The following CD74 variants were observed in gnomAD, a reference collection of about 807,000 sequenced individuals.
CD74 encodes the protein CD74 molecule, also known as HLA class II histocompatibility antigen gamma chain.
Under a neutral mutation model 37.1 loss-of-function variants are expected in CD74, and 20 were observed. The ratio of observed to expected loss-of-function variants is 0.54; its 90% confidence interval spans 0.38 to 0.78. The LOEUF (loss-of-function observed/expected upper bound fraction) is 0.78, where lower values mean the gene tolerates loss of function less well. Among genes scored for constraint, CD74 ranks in the 30% least tolerant of loss-of-function variants. The probability of loss-of-function intolerance (pLI) is 0.00; values close to 1 mark genes in which losing one functional copy is unlikely to be tolerated. For synonymous variants in CD74, 150 were observed against 152.0 expected, an observed-to-expected ratio of 0.99 and a Z score of 0.10; for missense variants, 338 against 389.5, an observed-to-expected ratio of 0.87 and a Z score of 1.11.
Position 150,402,431 on chromosome 5 carries a change from C to G in CD74, c.880+132G>C, listed in dbSNP as rs776153510. 1.1e-6 allele frequency: 1 copy of G among 942,122 alleles called. No homozygotes were observed. The highest frequency in any genetic ancestry group is 1.7e-6 in the Non-Finnish European group (1 of 574,132). The allele number at this position is 942,122 out of a possible 1,614,324, so 58.4% of individuals were successfully genotyped here. A position where few individuals can be genotyped will look rare whatever the true frequency, so the allele number is the denominator to read the frequency against. On this transcript the variant is annotated intron_variant, in intron 8 of 8. Transcript: ENST00000009530. This position sits in a 1 kb window ranked among gnomAD's most constrained non-coding sequence, Gnocchi z 4.2. Reference sequence around the variant, plus strand: ...CCACAGCCCCCCAACCCTGTTCCTTCGTCTGTGAAATGGACATCCCAGGAA... The same window carrying G: ...CCACAGCCCCCCAACCCTGTTCCTTGGTCTGTGAAATGGACATCCCAGGAA...
At position 150,407,456 on chromosome 5, in the gene CD74, T is replaced by C. The variant is rs1770045144; in HGVS notation, c.126-132A>G. 9.0e-6 allele frequency: 6 copies of C among 667,752 alleles called. No individual in the cohort carries two copies. The highest frequency in any genetic ancestry group is 1.2e-5 in the Non-Finnish European group (5 of 403,760). 41.4% of individuals were successfully genotyped at this position (667,752 alleles called of 1,614,324 possible). On this transcript the variant is annotated intron_variant, in intron 1 of 8. Transcript: ENST00000009530. This position sits in a 1 kb window ranked among gnomAD's most constrained non-coding sequence, Gnocchi z 4.4. ...AAGCCACCCCTAATAAACAATGCAT[T>C]TGAAGCACAAACAGTAAGCTGGCTA...
chr5:150,401,995 T>C lies in CD74; in HGVS notation c.*245A>G. On this transcript the variant is annotated 3_prime_UTR_variant, in exon 9 of 9. Coordinates refer to ENST00000009530, the MANE Select transcript of CD74 (RefSeq NM_001025159.3). Reference sequence around the variant, plus strand: ...CAGGAACGGGGATCTGTCTAGCTTTTGGCCACTTCCTGGGACCTCACGCCC... The same window carrying C: ...CAGGAACGGGGATCTGTCTAGCTTTCGGCCACTTCCTGGGACCTCACGCCC... The C allele has an allele frequency of 6.8e-7, 1 of 1,476,190 alleles. No homozygotes were observed. The highest frequency in any genetic ancestry group is 9.2e-7 in the Non-Finnish European group (1 of 1,092,026). The allele number at this position is 1,476,190 out of a possible 1,614,324, so 91.4% of individuals were successfully genotyped here.
At chr5:150,404,915 C>G in intron 5 of CD74, 148 bp from the exon 6 acceptor site, 1 of 832,372 alleles carries the variant, frequency 1.2e-6, no homozygotes, top group Non-Finnish European at 2.0e-6. Flanking sequence ...TCTTAAAGAC[C>G]CCTGGGGCTG....
chr5:150,403,437 A>C lies in CD74; in HGVS notation c.626-125T>G, dbSNP rs2151170861. The C allele has an allele frequency of 1.2e-6, 1 of 815,814 alleles. No individual in the cohort carries two copies. The highest frequency in any genetic ancestry group is 2.0e-6 in the Non-Finnish European group (1 of 493,980). 50.5% of individuals were successfully genotyped at this position (815,814 alleles called of 1,614,324 possible). On this transcript the variant is annotated intron_variant, in intron 6 of 8. Transcript: ENST00000009530. The surrounding 1 kb of genome is among the most constrained non-coding windows in gnomAD (Gnocchi z 4.5). ...GCCTTCTTCCCAAGTGGCTTTACTC[A>C]CTCCAGCCATCACACGGATGGGAAA... is the stretch of plus-strand genomic sequence containing the variant.
At chr5:150,410,742 G>C (rs926576736) in intron 1 of CD74, among the ~76,000 whole-genome samples, 1 of 149,576 alleles carries the variant, frequency 6.7e-6, no homozygotes, top group Non-Finnish European at 1.5e-5. Flanking sequence ...TCGTGACACA[G>C]ATGTTGCCAG....
chr5:150,402,169 G>C lies in CD74; in HGVS notation c.*71C>G. The C allele has an allele frequency of 6.4e-7, 1 of 1,567,652 alleles. No homozygotes were observed. The highest frequency in any genetic ancestry group is 8.7e-7 in the Non-Finnish European group (1 of 1,155,790). ...AGGGTGGGAGATGGGGGAGGGGCTG[G>C]GGGCTGAAGGGAGCAAGAAAGCTGT... On this transcript the variant is annotated 3_prime_UTR_variant, in exon 9 of 9. Transcript: ENST00000009530. This position sits in a 1 kb window ranked among gnomAD's most constrained non-coding sequence, Gnocchi z 4.2.
chr5:150,404,267 C>T (rs547493558), intron 6 of CD74, among the ~76,000 whole-genome samples: 9 of 152,162 alleles, frequency 5.9e-5, no homozygotes, highest in Non-Finnish European at 1.3e-4. Context: ...GGGAAACGCC[C>T]AAGGCTCTCT....
rs768723148 is a variant in CD74 at position 150,407,284 on chromosome 5, G to A, written c.166C>T (p.Leu56=). ...TGGCCAGCGAGGAGCAGAGTCACCA[G>A]GATGGAAAAGCCTGTGTACAGGGCT... ...RGALYTGFSI[L]VTLLLAGQAT... Residue 56 remains leucine, a synonymous_variant, in exon 2 of 9, where the codon CTG becomes TTG. Coordinates refer to ENST00000009530, the MANE Select transcript of CD74 (RefSeq NM_001025159.3). The surrounding 1 kb of genome is among the most constrained non-coding windows in gnomAD (Gnocchi z 4.4). 2.0e-5 allele frequency: 33 copies of A among 1,612,834 alleles called. No homozygotes were observed. Among genetic ancestry groups the A allele is most frequent in the Non-Finnish European group, 2.8e-5 (33 of 1,179,500 alleles).
chr5:150,407,120 T>A lies in CD74; in HGVS notation c.298+32A>T. On this transcript the variant is annotated intron_variant, in intron 2 of 8. Transcript: ENST00000009530. The surrounding 1 kb of genome is among the most constrained non-coding windows in gnomAD (Gnocchi z 4.4). ...CTCTGAGTTGAGGGATGGTGGGAGG[T>A]GGGGGGTATCAGGATGTAGGGGTGC... 6.3e-7 allele frequency: 1 copy of A among 1,593,740 alleles called. No homozygotes were observed. The highest frequency in any genetic ancestry group is 8.6e-7 in the Non-Finnish European group (1 of 1,165,904).
At position 150,402,287 on chromosome 5, in the gene CD74, C is replaced by T. The variant is rs1277560343; in HGVS notation, c.881-37G>A. On this transcript the variant is annotated intron_variant, in intron 8 of 8. Coordinates refer to ENST00000009530, the MANE Select transcript of CD74 (RefSeq NM_001025159.3). This position sits in a 1 kb window ranked among gnomAD's most constrained non-coding sequence, Gnocchi z 4.2. ...AGCAGCAGGTTGAGGTTGGGGTCAC[C>T]CATTTGTTGTCCCTGCCCCTTTCTA... 6.7e-6 allele frequency: 10 copies of T among 1,489,478 alleles called. No individual in the cohort carries two copies. Among genetic ancestry groups the T allele is most frequent in the East Asian group, 4.6e-5 (2 of 43,426 alleles). 92.3% of individuals were successfully genotyped at this position (1,489,478 alleles called of 1,614,324 possible).
chr5:150,406,455 C>T, intron 3 of CD74, 134 bp from the exon 4 acceptor site: 1 of 726,790 alleles, frequency 1.4e-6, no homozygotes. Flanking sequence ...TCTCTGCCAC[C>T]TCCAAACATG....
rs777525621 is a variant in CD74 at position 150,407,745 on chromosome 5, G to GTTTTA, written c.126-422_126-421insTAAAA. 1.6e-4 allele frequency among the ~76,000 whole-genome samples: 25 copies of GTTTTA among 151,822 alleles called. No individual in the cohort carries two copies. The highest frequency in any genetic ancestry group is 6.0e-4 in the African/African-American group (25 of 41,332). ...CTCAAGGGGAACAGGTTTGGTTTTT[G>GTTTTA]TTTTGTTTTGTTTTGTTTTGTTTTT... On this transcript the variant is annotated intron_variant, in intron 1 of 8. Transcript: ENST00000009530. This position sits in a 1 kb window ranked among gnomAD's most constrained non-coding sequence, Gnocchi z 4.4.
Position 150,402,575 on chromosome 5 carries a change from C to G in CD74, c.868G>C (p.Asp290His), listed in dbSNP as rs1278683021. ...PSSGLGVTKQ[D>H]LGPVPM The stretch of plus-strand genomic sequence containing the variant: ...GCAAGGCCCTTACCTGGGCCCAGAT[C>G]CTGCTTGGTCACACCCAGCCCAGAA... The change falls in exon 8 of 9, where the codon GAT (aspartate) becomes CAT (histidine). Residue 290 changes from aspartate (D) to histidine (H), a missense_variant. Asp to His is a moderately conservative substitution (Grantham distance 81). Coordinates refer to ENST00000009530, the MANE Select transcript of CD74 (RefSeq NM_001025159.3). The surrounding 1 kb of genome is among the most constrained non-coding windows in gnomAD (Gnocchi z 4.2). 6.2e-7 allele frequency: 1 copy of G among 1,614,062 alleles called. No individual in the cohort carries two copies. The highest frequency in any genetic ancestry group is 8.5e-7 in the Non-Finnish European group (1 of 1,179,930).
At chr5:150,410,929 G>A (rs1770307724) in intron 1 of CD74, among the ~76,000 whole-genome samples, 1 of 152,186 alleles carries the variant, frequency 6.6e-6, no homozygotes. Context: ...AGTGGTCTGA[G>A]CTCAGAGGGG....
rs1194657614 is a variant in CD74 at position 150,407,062 on chromosome 5, A to G, written c.298+90T>C. On this transcript the variant is annotated intron_variant, in intron 2 of 8. Coordinates refer to ENST00000009530, the MANE Select transcript of CD74 (RefSeq NM_001025159.3). The surrounding 1 kb of genome is among the most constrained non-coding windows in gnomAD (Gnocchi z 4.4). ...TGGAATTCCAAACCGGAGGGAGAGG[A>G]CAGTGGGCCCAGCTGGGTGCAGGGA... 6.5e-7 allele frequency: 1 copy of G among 1,546,958 alleles called. No homozygotes were observed. The highest frequency in any genetic ancestry group is 8.9e-7 in the Non-Finnish European group (1 of 1,128,732).
Position 150,402,178 on chromosome 5 carries a change from G to A in CD74, c.*62C>T, listed in dbSNP as rs11548090. On this transcript the variant is annotated 3_prime_UTR_variant, in exon 9 of 9. Coordinates refer to ENST00000009530, the MANE Select transcript of CD74 (RefSeq NM_001025159.3). The surrounding 1 kb of genome is among the most constrained non-coding windows in gnomAD (Gnocchi z 4.2). ...GATGGGGGAGGGGCTGGGGGCTGAA[G>A]GGAGCAAGAAAGCTGTAGCTGTGTG... The A allele has an allele frequency of 6.3e-7, 1 of 1,577,158 alleles. No individual in the cohort carries two copies. The highest frequency in any genetic ancestry group is 8.6e-7 in the Non-Finnish European group (1 of 1,161,180).
intron 6 of CD74, 99 bp downstream of exon 6, chr5:150,404,581 G>T (rs935695765): frequency 8.8e-6 from 6 of 678,326 alleles, no homozygotes; most frequent in African/African-American, 1.8e-5. Context: ...ATTCCGCGGT[G>T]CTGGGACCAG....
chr5:150,408,704 C>T (rs764800880), intron 1 of CD74, among the ~76,000 whole-genome samples: 3 of 152,116 alleles, frequency 2.0e-5, no homozygotes, highest in Non-Finnish European at 4.4e-5. Flanking sequence ...AGGATCCTGC[C>T]CCTACACCCC....
intron 1 of CD74, among the ~76,000 whole-genome samples, chr5:150,412,057 C>A (rs1208239062): frequency 1.3e-5 from 2 of 152,200 alleles, no homozygotes; most frequent in Non-Finnish European, 2.9e-5. Flanking sequence ...CTCTGCCTCC[C>A]AGGTTGAAGT....
Sources: gnomAD v4.1 joint callset for allele counts (sites outside exome capture counted in the v4.1 genomes callset) on GRCh38, gnomAD v4.1.1 for gene constraint, Gnocchi (gnomAD v3.1) non-coding constraint, MANE v1.5 for transcripts, NCBI Gene and HGNC (gene_info 2026-07-23, HGNC 2026-07-21) for gene names.